F8: variants seen among roughly 807,000 people sequenced by gnomAD.
F8 encodes antihemophilic factor.
A neutral mutation model predicts 140.6 loss-of-function variants in F8; 12 were observed. The observed-to-expected ratio is 0.09, with a 90% CI of 0.05 to 0.14. The LOEUF (loss-of-function observed/expected upper bound fraction) is 0.14. Among genes scored for constraint, F8 ranks in the 10% least tolerant of loss-of-function variants. The pLI is 1.00. For synonymous variants in F8, 585 were observed against 614.6 expected, an observed-to-expected ratio of 0.95 and a Z score of 0.71; for missense variants, 1,354 against 1,720.7, an observed-to-expected ratio of 0.79 and a Z score of 3.77.
At chrX:154,905,126 T>C (rs1212145794) in intron 15 of F8, 103 bp from the exon 16 acceptor site, 2 of 634,192 alleles carry the variant, frequency 3.2e-6, no homozygotes, top group Non-Finnish European at 4.9e-6. Context: ...TCTTTTGGTC[T>C]TTATCAAAGT....
intron 25 of F8, 152 bp from the exon 26 acceptor site, chrX:154,837,904 T>A: frequency 1.8e-6 from 1 of 561,826 alleles, no homozygotes; most frequent in Non-Finnish European, 2.9e-6. Context: ...ATCTGGGACA[T>A]CTAGAATTAA....
intron 13 of F8, among the ~76,000 whole-genome samples, chrX:154,943,925 T>C (rs936064077): frequency 3.6e-5 from 4 of 111,911 alleles, no homozygotes; most frequent in Non-Finnish European, 5.6e-5. Context: ...GGGAAAGGAT[T>C]CCCTATTTAA....
At chrX:154,907,479 ATG>A (rs1377741893) in intron 14 of F8, among the ~76,000 whole-genome samples, 1 of 112,282 alleles carries the variant, frequency 8.9e-6, no homozygotes, top group Non-Finnish European at 1.9e-5. Context: ...CTAGGTATGC[ATG>A]TGTTTGGCTT....
At chrX:154,906,879 G>T (rs369945607) in intron 14 of F8, among the ~76,000 whole-genome samples, 2 of 112,535 alleles carry the variant, frequency 1.8e-5, no homozygotes, top group East Asian at 5.5e-4. Context: ...ATATAAGAGA[G>T]TCCCATGGTC....
At chrX:154,965,597 C>A (rs2073419232) in intron 9 of F8, among the ~76,000 whole-genome samples, 1 of 111,266 alleles carries the variant, frequency 9.0e-6, no homozygotes, top group Non-Finnish European at 1.9e-5. Context: ...CTTTTCTTTG[C>A]AATATTTTAA....
Position 154,999,555 on chromosome X carries a change from G to T in F8, c.189C>A (p.Val63=). Residue 63 remains valine, a synonymous_variant, in exon 2 of 26, where the codon GTC becomes GTA. Coordinates refer to ENST00000360256, the MANE Select transcript of F8 (RefSeq NM_000132.4). ...VPKSFPFNTS[V]VYKKTLFVEF... is the part of the protein sequence containing the mutation. Reference sequence around the variant, plus strand: ...CTACAAACAGAGTCTTTTTGTACACGACTGAGGTGTTGAATGGAAAAGATT... The same window carrying T: ...CTACAAACAGAGTCTTTTTGTACACTACTGAGGTGTTGAATGGAAAAGATT... The T allele has an allele frequency of 8.3e-7, 1 of 1,207,906 alleles. No homozygotes were observed. Among genetic ancestry groups the T allele is most frequent in the South Asian group, 1.8e-5 (1 of 56,814 alleles).
In F8 at chrX:155,022,603, C is replaced by T. The variant is rs782514832; in HGVS notation, c.-51G>A. ...GGAGAAGCAAAAGGTTAATTCTTCTCTAAAATATCTTTAGCTCCCAGGAGG... is the reference window on the plus strand; with the variant it reads ...GGAGAAGCAAAAGGTTAATTCTTCTTTAAAATATCTTTAGCTCCCAGGAGG... On this transcript the variant is annotated 5_prime_UTR_variant, in exon 1 of 26. Coordinates refer to ENST00000360256, the MANE Select transcript of F8 (RefSeq NM_000132.4). 32 of 1,209,486 alleles carry T rather than the reference C, an allele frequency of 2.6e-5. No individual in the cohort carries two copies. Among genetic ancestry groups the T allele is most frequent in the Non-Finnish European group, 3.4e-5 (30 of 894,883 alleles).
Position 154,953,948 on chromosome X carries a change from T to C in F8, c.1847A>G (p.Asn616Ser), listed in dbSNP as rs375093700. Reference sequence around the variant, plus strand: ...ATCCTCAAGCTGCACTCCAGCTGGATTGGGGAGAAAGCGTTGTATATTCTC... The same window carrying C: ...ATCCTCAAGCTGCACTCCAGCTGGACTGGGGAGAAAGCGTTGTATATTCTC... ...LTENIQRFLP[N>S]PAGVQLEDPE... The change falls in exon 12 of 26, where the codon AAT becomes AGT. Residue 616 changes from asparagine to serine, a missense_variant. Physicochemically the swap from Asn to Ser is conservative, Grantham distance 46. This residue lies in a region of F8 where 252 missense variants were observed against 338.5 expected (regional missense o/e 0.74). Coordinates refer to ENST00000360256, the MANE Select transcript of F8 (RefSeq NM_000132.4). 86 of 1,209,919 alleles carry C rather than the reference T, an allele frequency of 7.1e-5. No individual in the cohort carries two copies. The highest frequency in any genetic ancestry group is 4.6e-4 in the Middle Eastern group (2 of 4,355).
chrX:154,860,330 C>A, intron 25 of F8, 102 bp downstream of exon 25: 1 of 883,321 alleles, frequency 1.1e-6, no homozygotes. Flanking sequence ...AAATTTTGCT[C>A]TGAAAATTTG....
intron 25 of F8, among the ~76,000 whole-genome samples, chrX:154,843,481 G>A (rs1222892275): frequency 4.5e-5 from 5 of 111,353 alleles, no homozygotes; most frequent in African/African-American, 1.3e-4. Context: ...TTTAATGATC[G>A]CCATTCTAAC....
rs2073766500 is a variant in F8 at position 155,022,708 on chromosome X, G to A, written c.-156C>T. 2 of 1,124,919 alleles carry A rather than the reference G, an allele frequency of 1.8e-6. No homozygotes were observed. The highest frequency in any genetic ancestry group is 2.7e-5 in the Admixed American group (1 of 36,652). The allele number at this position is 1,124,919 out of a possible 1,213,427, so 92.7% of individuals were successfully genotyped here. On this transcript the variant is annotated 5_prime_UTR_variant, in exon 1 of 26. Coordinates refer to ENST00000360256, the MANE Select transcript of F8 (RefSeq NM_000132.4). Reference sequence around the variant, plus strand: ...TTTTAAGGAACTTTACCCACTGGATGTGCTCAGCACTAAGCAGTAACCGAT... The same window carrying A: ...TTTTAAGGAACTTTACCCACTGGATATGCTCAGCACTAAGCAGTAACCGAT...
chrX:154,899,749 A>G (rs2073000350), intron 21 of F8, 117 bp downstream of exon 21: 4 of 668,811 alleles, frequency 6.0e-6, no homozygotes, highest in Non-Finnish European at 7.1e-6. Flanking sequence ...CAAATCATTA[A>G]GGCATTCTGT....
intron 22 of F8, among the ~76,000 whole-genome samples, chrX:154,894,930 G>A (rs982246661): frequency 1.8e-5 from 2 of 111,345 alleles, no homozygotes; most frequent in Non-Finnish European, 3.8e-5. Flanking sequence ...AATCCTAACT[G>A]AGGCTCCAGA....
At position 154,965,977 on chromosome X, in the gene F8, G is replaced by A. The variant is rs140493396; in HGVS notation, c.1436C>T (p.Thr479Ile). 2.5e-6 allele frequency: 3 copies of A among 1,210,816 alleles called. No individual in the cohort carries two copies. Among genetic ancestry groups the A allele is most frequent in the Non-Finnish European group, 3.4e-6 (3 of 894,803 alleles). Residue 479 changes from threonine (T) to isoleucine (I), a missense_variant, in exon 9 of 26, where the codon ACA becomes ATA. Thr to Ile is a moderately conservative substitution (Grantham distance 89). This residue lies in a region of F8 where 252 missense variants were observed against 338.5 expected (regional missense o/e 0.74). Transcript: ENST00000360256. ...ATCTTTTCTTCAACTTACCAACAGT[G>A]TGTCTCCAACTTCCCCATAAAGTAA... ...GPLLYGEVGD[T>I]LLIIFKNQAS... is the part of the protein sequence containing the mutation.
At chrX:154,999,210 C>A (rs782563578) in intron 2 of F8, among the ~76,000 whole-genome samples, 1 of 110,170 alleles carries the variant, frequency 9.1e-6, no homozygotes, top group South Asian at 3.9e-4. Context: ...AGCAACAATT[C>A]TAAGACAGAA....
At chrX:154,982,295 A>T (rs1490019750) in intron 6 of F8, among the ~76,000 whole-genome samples, 4 of 106,825 alleles carry the variant, frequency 3.7e-5, no homozygotes, top group African/African-American at 1.4e-4. Flanking sequence ...AAAATACAAA[A>T]AATTAGCCAG....
rs1292479273 is a variant in F8 at position 154,863,316 on chromosome X, T to C, written c.6430-89A>G. The stretch of plus-strand genomic sequence containing the variant: ...AATCATATCTTCCTTCTAATTTGCT[T>C]TGTGCGTTTCTCAACAGCATCCAAC... On this transcript the variant is annotated intron_variant, in intron 22 of 25. Coordinates refer to ENST00000360256, the MANE Select transcript of F8 (RefSeq NM_000132.4). 3.3e-6 allele frequency: 3 copies of C among 916,093 alleles called. No homozygotes were observed. The African/African-American group carries it at 5.8e-5, about 18-fold the overall frequency. 75.5% of individuals were successfully genotyped at this position (916,093 alleles called of 1,213,427 possible). A position where few individuals can be genotyped will look rare whatever the true frequency, so the allele number is the denominator to read the frequency against.
intron 1 of F8, among the ~76,000 whole-genome samples, chrX:155,008,643 G>C (rs1407071089): frequency 4.5e-5 from 5 of 111,093 alleles, no homozygotes; most frequent in Non-Finnish European, 9.5e-5. Flanking sequence ...CTTCACCTCC[G>C]CTGAGGTGTG....
intron 25 of F8, among the ~76,000 whole-genome samples, chrX:154,850,461 TTTC>T (rs2072607339): frequency 1.0e-5 from 1 of 99,633 alleles, no homozygotes; most frequent in Non-Finnish European, 2.0e-5. Flanking sequence ...TTCTTTTCCT[TTTC>T]TTCTTCTTCT....
Sources: allele counts gnomAD v4.1 joint callset (sites outside exome capture counted in the v4.1 genomes callset), GRCh38; gene constraint gnomAD v4.1.1; regional missense constraint gnomAD v4.1.1; transcripts MANE v1.5; gene names NCBI Gene and HGNC (gene_info 2026-07-23, HGNC 2026-07-21).